Variants in CNTNAP2 observed in about 807,000 individuals in gnomAD.
CNTNAP2 encodes contactin associated protein 2, also known as contactin-associated protein-like 2.
CNTNAP2 carries 98 observed loss-of-function variants against 155.2 expected under a neutral mutation model. That is an observed-to-expected ratio of 0.63 (90% CI 0.54 to 0.75). The LOEUF is 0.75. Among genes scored for constraint, CNTNAP2 ranks in the 30% least tolerant of loss-of-function variants. The probability of loss-of-function intolerance (pLI) is 0.00; values close to 1 mark genes in which losing one functional copy is unlikely to be tolerated. For missense variants in CNTNAP2, 1,727 were observed against 1,688.1 expected, an observed-to-expected ratio of 1.02 and a Z score of -0.40; for synonymous variants, 651 against 631.2, an observed-to-expected ratio of 1.03 and a Z score of -0.47.
At chr7:147,070,746 T>C (rs1043595556) in intron 4 of CNTNAP2, among the ~76,000 whole-genome samples, 14 of 152,314 alleles carry the variant, frequency 9.2e-5, no homozygotes, top group African/African-American at 3.4e-4. Flanking sequence ...ACGGATTCCA[T>C]GTCAGGCAAC....
At chr7:146,686,702 C>T (rs575746660) in intron 1 of CNTNAP2, among the ~76,000 whole-genome samples, 2 of 152,316 alleles carry the variant, frequency 1.3e-5, no homozygotes, top group South Asian at 2.1e-4. Context: ...GCTGGCTTGT[C>T]ACATGGTTCT....
At chr7:146,406,456 A>T (rs1355521857) in intron 1 of CNTNAP2, among the ~76,000 whole-genome samples, 2 of 152,218 alleles carry the variant, frequency 1.3e-5, no homozygotes, top group Admixed American at 6.5e-5. Flanking sequence ...TTTCTAGGAC[A>T]GTTACAGAAC....
At chr7:147,530,186 C>CTTTTTT (rs35151574) in intron 11 of CNTNAP2, among the ~76,000 whole-genome samples, 2 of 136,382 alleles carry the variant, frequency 1.5e-5, no homozygotes, top group African/African-American at 2.7e-5. Context: ...GCAAAAGGCA[C>CTTTTTT]TTTTTTTTTT....
chr7:147,959,762 G>A (rs533617408), intron 14 of CNTNAP2, among the ~76,000 whole-genome samples: 52 of 152,266 alleles, frequency 3.4e-4, no homozygotes, highest in African/African-American at 1.2e-3. Context: ...GCTGGTGGGT[G>A]TGTCTTATGG....
intron 1 of CNTNAP2, among the ~76,000 whole-genome samples, chr7:146,571,099 A>T (rs968443343): frequency 6.6e-6 from 1 of 152,130 alleles, no homozygotes; most frequent in African/African-American, 2.4e-5. Flanking sequence ...CCTGAAAAAG[A>T]TGTCTTCTGA....
chr7:148,214,380 C>A (rs1298601435), intron 18 of CNTNAP2, among the ~76,000 whole-genome samples: 1 of 152,166 alleles, frequency 6.6e-6, no homozygotes, highest in Non-Finnish European at 1.5e-5. Flanking sequence ...ATTGTACTCA[C>A]ACTGTTGATG....
At chr7:147,465,798 G>C (rs1798110200) in intron 10 of CNTNAP2, among the ~76,000 whole-genome samples, 1 of 152,166 alleles carries the variant, frequency 6.6e-6, no homozygotes, top group Non-Finnish European at 1.5e-5. Context: ...TATGCTAATT[G>C]AATGTCTTCC....
intron 1 of CNTNAP2, among the ~76,000 whole-genome samples, chr7:146,443,658 T>C: frequency 6.6e-6 from 1 of 152,212 alleles, no homozygotes; most frequent in African/African-American, 2.4e-5. Flanking sequence ...AACCCAAAAC[T>C]GAGTAAGTAG....
At chr7:146,698,552 T>G (rs931657691) in intron 1 of CNTNAP2, among the ~76,000 whole-genome samples, 9 of 152,164 alleles carry the variant, frequency 5.9e-5, no homozygotes, top group African/African-American at 2.2e-4. Context: ...ATTTTCTTCT[T>G]GTTTGATTTT....
At chr7:146,341,731 A>AC (rs1443330710) in intron 1 of CNTNAP2, among the ~76,000 whole-genome samples, 2 of 152,134 alleles carry the variant, frequency 1.3e-5, no homozygotes, top group African/African-American at 4.8e-5. Flanking sequence ...AAAAACAAAA[A>AC]AAACCCCTGA....
At chr7:146,733,479 A>G (rs145770524) in intron 1 of CNTNAP2, among the ~76,000 whole-genome samples, 26 of 152,238 alleles carry the variant, frequency 1.7e-4, no homozygotes, top group Non-Finnish European at 3.1e-4. Flanking sequence ...TAAATTTTAA[A>G]CCATGTTTTA....
intron 8 of CNTNAP2, among the ~76,000 whole-genome samples, chr7:147,133,729 G>T (rs1801423211): frequency 6.6e-6 from 1 of 152,100 alleles, no homozygotes; most frequent in East Asian, 1.9e-4. Context: ...TTTGTGTGTG[G>T]CCTGAATGTA....
At chr7:147,201,255 C>T (rs1039796255) in intron 8 of CNTNAP2, among the ~76,000 whole-genome samples, 1 of 152,118 alleles carries the variant, frequency 6.6e-6, no homozygotes, top group Non-Finnish European at 1.5e-5. Context: ...TTAGGAAATA[C>T]TGAACAATTT....
intron 1 of CNTNAP2, among the ~76,000 whole-genome samples, chr7:146,596,585 A>C (rs1308456702): frequency 7.7e-6 from 1 of 130,528 alleles, no homozygotes; most frequent in Non-Finnish European, 1.7e-5. Context: ...AGAGAGAGAT[A>C]GAAGGGAGAC....
intron 1 of CNTNAP2, among the ~76,000 whole-genome samples, chr7:146,387,295 A>T (rs1050562062): frequency 1.3e-5 from 2 of 152,064 alleles, no homozygotes; most frequent in Non-Finnish European, 2.9e-5. Context: ...TCAACCCAAA[A>T]CCACCAGAGA....
rs73164401 is a variant in CNTNAP2, at chr7:147,645,243, A to G, written c.2098+5937A>G. ...ACTCTGGCATTGTAACATATAATCT[A>G]TTTTTAGCAAGAAATTCTAAACTTT... On this transcript the variant is annotated intron_variant, in intron 13 of 23. Transcript: ENST00000361727. Among the ~76,000 whole-genome samples the G allele has an allele frequency of 9.7e-3, 1,470 of 152,290 alleles. 9 individuals carry two copies. The highest frequency in any genetic ancestry group is 0.017 in the Non-Finnish European group (1,173 of 68,014).
At chr7:146,668,442 G>GGT (rs1563180645) in intron 1 of CNTNAP2, among the ~76,000 whole-genome samples, 1 of 83,100 alleles carries the variant, frequency 1.2e-5, no homozygotes, top group South Asian at 5.5e-4. Context: ...GTGTGTGTGT[G>GGT]TGTGTGTGTG....
intron 8 of CNTNAP2, among the ~76,000 whole-genome samples, chr7:147,262,298 T>C (rs577805885): frequency 3.3e-4 from 51 of 152,266 alleles, no homozygotes; most frequent in African/African-American, 1.1e-3. Context: ...ACTAAATACA[T>C]AGGGTGTGTT....
rs56304234 is a variant in CNTNAP2, at chr7:146,875,934, C to CA, written c.402+36057dup. ...CACACACACACACACACATACACAG[C>CA]AAAAAAAAAAAAAAAAAAAAAAAAA... is the stretch of plus-strand genomic sequence containing the variant. On this transcript the variant is annotated intron_variant, in intron 3 of 23. Coordinates refer to ENST00000361727, the MANE Select transcript of CNTNAP2 (RefSeq NM_014141.6). Among the ~76,000 whole-genome samples, 456 of 55,086 alleles carry CA rather than the reference C, an allele frequency of 8.3e-3. 24 individuals are homozygous for CA. The highest frequency in any genetic ancestry group is 0.02 in the South Asian group (13 of 666). 36.1% of individuals were successfully genotyped at this position (55,086 alleles called of 152,430 possible).
Sources: allele counts gnomAD v4.1 joint callset (sites outside exome capture counted in the v4.1 genomes callset), GRCh38; gene constraint gnomAD v4.1.1; transcripts MANE v1.5; gene names NCBI Gene and HGNC (gene_info 2026-07-23, HGNC 2026-07-21).